RBMS3: variants seen among roughly 807,000 people sequenced by gnomAD.
The protein encoded by RBMS3 is RNA binding motif single stranded interacting protein 3, also known as RNA-binding motif, single-stranded-interacting protein 3.
RBMS3 carries 27 observed loss-of-function variants against 66.8 expected under a neutral mutation model. The ratio of observed to expected loss-of-function variants is 0.40; its 90% CI spans 0.30 to 0.56. The LOEUF (loss-of-function observed/expected upper bound fraction) is 0.56. Ranked by LOEUF, RBMS3 falls within the 20% of genes least tolerant of loss-of-function variation. The pLI is 0.40. For synonymous variants in RBMS3, 188 were observed against 183.0 expected, an observed-to-expected ratio of 1.03 and a Z score of -0.22; for missense variants, 513 against 549.5, an observed-to-expected ratio of 0.93 and a Z score of 0.66.
rs2043887822 is a variant in RBMS3 at position 29,499,592 on chromosome 3, G to A, written c.307+11093G>A. ...TTGTGGAATAAGAGAAAATTACAAA[G>A]TTTTCATTTAATTTCTACTTCTCTT... On this transcript the variant is annotated intron_variant, in intron 3 of 14. Coordinates refer to ENST00000383767, the MANE Select transcript of RBMS3 (RefSeq NM_001003793.3). Among the ~76,000 whole-genome samples the A allele has an allele frequency of 2.0e-5, 3 of 152,174 alleles. No homozygotes were observed. The South Asian group carries it at 6.2e-4, about 32-fold the overall frequency.
chr3:29,548,821 A>G (rs1456826585), intron 3 of RBMS3, among the ~76,000 whole-genome samples: 1 of 152,020 alleles, frequency 6.6e-6, no homozygotes, highest in Non-Finnish European at 1.5e-5. Context: ...TTAACCCAAT[A>G]TTTCTACCAC....
chr3:29,988,111 G>A, intron 12 of RBMS3, 32 bp from the exon 13 acceptor site: 7 of 1,549,322 alleles, frequency 4.5e-6, no homozygotes, highest in South Asian at 1.1e-5. Flanking sequence ...GCAGCTCAAA[G>A]TTCACATGCA....
chr3:29,733,158 A>T (rs2054207208), intron 4 of RBMS3, among the ~76,000 whole-genome samples: 1 of 152,218 alleles, frequency 6.6e-6, no homozygotes, highest in South Asian at 2.1e-4. Context: ...AAATATCTAT[A>T]GTTGCATGCT....
intron 14 of RBMS3, among the ~76,000 whole-genome samples, chr3:29,992,126 A>C (rs1698915712): frequency 1.3e-5 from 2 of 152,204 alleles, no homozygotes; most frequent in South Asian, 4.1e-4. Flanking sequence ...ATCCCTGATG[A>C]ATAGAGAATC....
chr3:29,792,136 A>G (rs1387560492), intron 6 of RBMS3, among the ~76,000 whole-genome samples: 3 of 152,188 alleles, frequency 2.0e-5, no homozygotes, highest in African/African-American at 7.2e-5. Context: ...TTCACTATAT[A>G]ACACTATGAT....
intron 12 of RBMS3, among the ~76,000 whole-genome samples, chr3:29,976,615 C>T (rs545301981): frequency 7.3e-4 from 111 of 152,120 alleles, no homozygotes; most frequent in Non-Finnish European, 1.3e-3. Flanking sequence ...GGACACTCGA[C>T]GCTCAAGGAA....
intron 6 of RBMS3, among the ~76,000 whole-genome samples, chr3:29,792,553 T>C (rs891510365): frequency 1.3e-5 from 2 of 152,186 alleles, no homozygotes; most frequent in Non-Finnish European, 2.9e-5. Context: ...GAATCCCACC[T>C]GTACCACTTA....
chr3:29,942,038 GA>G (rs1307179139), intron 11 of RBMS3, among the ~76,000 whole-genome samples: 2 of 151,710 alleles, frequency 1.3e-5, no homozygotes, highest in African/African-American at 4.8e-5. Flanking sequence ...CTGGTCTATG[GA>G]AATATTCTAA....
intron 6 of RBMS3, among the ~76,000 whole-genome samples, chr3:29,827,644 C>T (rs2058244596): frequency 1.3e-5 from 2 of 152,078 alleles, no homozygotes; most frequent in South Asian, 4.1e-4. Context: ...GTTGTGTTAC[C>T]TCTATTAGAG....
At chr3:29,854,908 G>A (rs1182857371) in intron 6 of RBMS3, among the ~76,000 whole-genome samples, 1 of 152,162 alleles carries the variant, frequency 6.6e-6, no homozygotes, top group Non-Finnish European at 1.5e-5. Context: ...TCACTGTGAT[G>A]CCTGCAATTG....
At chr3:29,756,710 G>T (rs2055431876) in intron 5 of RBMS3, among the ~76,000 whole-genome samples, 1 of 152,016 alleles carries the variant, frequency 6.6e-6, no homozygotes, top group South Asian at 2.1e-4. Flanking sequence ...TTTCTTCCCA[G>T]CAACTACAAA....
chr3:29,625,286 T>G (rs889334548), intron 4 of RBMS3, among the ~76,000 whole-genome samples: 13 of 152,028 alleles, frequency 8.6e-5, no homozygotes, highest in Non-Finnish European at 1.9e-4. Flanking sequence ...GTGGCATTAC[T>G]TACCACAGTT....
At chr3:29,792,082 A>C (rs2057029806) in intron 6 of RBMS3, among the ~76,000 whole-genome samples, 1 of 152,186 alleles carries the variant, frequency 6.6e-6, no homozygotes, top group African/African-American at 2.4e-5. Context: ...AAATAAAAAC[A>C]TAGGTGCCTG....
chr3:29,583,335 G>C (rs1194873892), intron 3 of RBMS3, among the ~76,000 whole-genome samples: 16 of 152,112 alleles, frequency 1.1e-4, no homozygotes. Flanking sequence ...AAAATAAGAG[G>C]CTGCCTGCTG....
intron 1 of RBMS3, among the ~76,000 whole-genome samples, chr3:29,333,163 A>G (rs1424648161): frequency 6.6e-6 from 1 of 152,116 alleles, no homozygotes. Flanking sequence ...TGTTACTTTT[A>G]TATCAGAGAG....
chr3:29,673,017 C>A (rs142963946), intron 4 of RBMS3, among the ~76,000 whole-genome samples: 1 of 152,250 alleles, frequency 6.6e-6, no homozygotes, highest in African/African-American at 2.4e-5. Context: ...CATTCCTCAG[C>A]AAATGTAAAA....
intron 12 of RBMS3, among the ~76,000 whole-genome samples, chr3:29,966,212 C>G (rs1041793593): frequency 9.9e-5 from 15 of 152,046 alleles, no homozygotes; most frequent in African/African-American, 3.6e-4. Flanking sequence ...TTCTTGGTTC[C>G]ATATGAATTT....
chr3:29,351,430 G>A (rs2125559236), intron 1 of RBMS3, among the ~76,000 whole-genome samples: 1 of 152,142 alleles, frequency 6.6e-6, no homozygotes, highest in Non-Finnish European at 1.5e-5. Context: ...TACAATCACT[G>A]TATTTACAAA....
chr3:29,370,282 G>A (rs1284927919), intron 1 of RBMS3, among the ~76,000 whole-genome samples: 1 of 152,134 alleles, frequency 6.6e-6, no homozygotes, highest in Non-Finnish European at 1.5e-5. Context: ...TTGAGATATA[G>A]TCATAATATC....
Sources: allele counts gnomAD v4.1 joint callset (sites outside exome capture counted in the v4.1 genomes callset), GRCh38; gene constraint gnomAD v4.1.1; transcripts MANE v1.5; gene names NCBI Gene and HGNC (gene_info 2026-07-23, HGNC 2026-07-21).